Variants in CCDC141 observed in about 807,000 individuals in gnomAD.
CCDC141 encodes coiled-coil domain containing 141, also known as coiled-coil domain-containing protein 141.
CCDC141 carries 168 observed loss-of-function variants against 181.0 expected under a neutral mutation model. The observed-to-expected ratio is 0.93, with a 90% CI of 0.82 to 1.05. The LOEUF is 1.05. Ranked by LOEUF, CCDC141 falls within the 50% of genes least tolerant of loss-of-function variation. The probability of loss-of-function intolerance (pLI) is 0.00; values close to 1 mark genes in which losing one functional copy is unlikely to be tolerated. For missense variants in CCDC141, 1,902 were observed against 1,788.5 expected, an observed-to-expected ratio of 1.06 and a Z score of -1.14; for synonymous variants, 666 against 642.3, an observed-to-expected ratio of 1.04 and a Z score of -0.56.
chr2:178,931,047 G>A (rs1047817874), intron 6 of CCDC141, among the ~76,000 whole-genome samples: 1 of 152,106 alleles, frequency 6.6e-6, no homozygotes, highest in Admixed American at 6.6e-5. Context: ...TATACAAATG[G>A]TCAGCCAGTA....
At chr2:178,838,853 C>G (rs1684599782) in intron 22 of CCDC141, among the ~76,000 whole-genome samples, 1 of 152,204 alleles carries the variant, frequency 6.6e-6, no homozygotes, top group East Asian at 1.9e-4. Flanking sequence ...ACATCCATCT[C>G]TGGTTTAAGA....
At chr2:178,955,216 T>C (rs1173418280) in intron 5 of CCDC141, among the ~76,000 whole-genome samples, 1 of 151,776 alleles carries the variant, frequency 6.6e-6, no homozygotes, top group Non-Finnish European at 1.5e-5. Context: ...ACCCCGGAGG[T>C]GGAGGTTGCA....
Position 178,979,787 on chromosome 2 carries a change from G to A in CCDC141, c.226-1112C>T, listed in dbSNP as rs189508036. ...ACACTCATGAACCTTTGTATCTGTG[G>A]CACTGAAATATTTCAAGTAGATATA... is the stretch of plus-strand genomic sequence containing the variant. On this transcript the variant is annotated intron_variant, in intron 2 of 23. Coordinates refer to ENST00000443758, the MANE Select transcript of CCDC141 (RefSeq NM_173648.4). Among the ~76,000 whole-genome samples the A allele has an allele frequency of 2.0e-3, 310 of 152,170 alleles. 1 individual carries two copies. Among genetic ancestry groups the A allele is most frequent in the Non-Finnish European group, 2.9e-3 (196 of 67,998 alleles).
chr2:179,034,921 C>T (rs900758261), intron 2 of CCDC141, among the ~76,000 whole-genome samples: 7 of 152,046 alleles, frequency 4.6e-5, no homozygotes, highest in South Asian at 2.1e-4. Context: ...TTGATTTCCA[C>T]GTAAATTGCA....
intron 11 of CCDC141, among the ~76,000 whole-genome samples, chr2:178,882,882 G>A (rs968704283): frequency 1.3e-5 from 2 of 152,140 alleles, no homozygotes; most frequent in Non-Finnish European, 2.9e-5. Context: ...GGGGATGGAG[G>A]ATGGAAAGGA....
At chr2:178,847,208 C>T (rs1353377303) in intron 21 of CCDC141, among the ~76,000 whole-genome samples, 1 of 152,006 alleles carries the variant, frequency 6.6e-6, no homozygotes, top group Non-Finnish European at 1.5e-5. Flanking sequence ...CTACAAATGC[C>T]AAAACTCTTT....
chr2:178,901,073 T>C (rs778285105), intron 8 of CCDC141, among the ~76,000 whole-genome samples: 63 of 152,200 alleles, frequency 4.1e-4, no homozygotes, highest in Non-Finnish European at 6.8e-4. Flanking sequence ...CTCGAATTTG[T>C]GGGCAGGGTA....
At chr2:178,885,885 TTTAA>T (rs1288840194) in intron 10 of CCDC141, among the ~76,000 whole-genome samples, 8 of 152,192 alleles carry the variant, frequency 5.3e-5, no homozygotes, top group African/African-American at 1.9e-4. Context: ...TGAAGGTAAC[TTTAA>T]TTTAGAGGCC....
intron 6 of CCDC141, among the ~76,000 whole-genome samples, chr2:178,920,843 T>G (rs966966372): frequency 6.6e-6 from 1 of 152,154 alleles, no homozygotes; most frequent in Non-Finnish European, 1.5e-5. Flanking sequence ...AGAAAAACAT[T>G]TTGATCAATG....
chr2:178,966,175 C>A (rs956469950), intron 4 of CCDC141, among the ~76,000 whole-genome samples: 4 of 152,212 alleles, frequency 2.6e-5, no homozygotes, highest in Non-Finnish European at 5.9e-5. Context: ...GGGAAAGGGG[C>A]GCCTATGGGC....
intron 17 of CCDC141, among the ~76,000 whole-genome samples, chr2:178,861,635 CAA>C (rs550382240): frequency 1.6e-4 from 16 of 98,110 alleles, no homozygotes; most frequent in African/African-American, 1.7e-4. Flanking sequence ...GACTCAGTCT[CAA>C]AAAAAAAAAA....
At chr2:178,883,658 CCT>C (rs1034562703) in intron 11 of CCDC141, among the ~76,000 whole-genome samples, 3 of 152,114 alleles carry the variant, frequency 2.0e-5, no homozygotes, top group African/African-American at 7.2e-5. Context: ...TGGCTCTACC[CCT>C]GAGTGAACCC....
chr2:178,948,400 A>G (rs954287687), intron 5 of CCDC141, among the ~76,000 whole-genome samples: 4 of 152,246 alleles, frequency 2.6e-5, no homozygotes, highest in Non-Finnish European at 5.9e-5. Context: ...TGGTTCTCCA[A>G]TTAAAATATA....
chr2:178,928,057 C>G (rs569212210), intron 6 of CCDC141, among the ~76,000 whole-genome samples: 7 of 152,144 alleles, frequency 4.6e-5, no homozygotes, highest in Non-Finnish European at 1.0e-4. Context: ...AGATAAATTA[C>G]ATTTTAAATA....
At chr2:178,866,174 G>A (rs183704147) in intron 16 of CCDC141, among the ~76,000 whole-genome samples, 14 of 152,232 alleles carry the variant, frequency 9.2e-5, no homozygotes, top group East Asian at 3.9e-4. Flanking sequence ...CCTCAGAGAC[G>A]CCATTCATTA....
chr2:178,936,510 AG>A (rs1689295515), intron 6 of CCDC141, among the ~76,000 whole-genome samples: 1 of 152,054 alleles, frequency 6.6e-6, no homozygotes, highest in Non-Finnish European at 1.5e-5. Context: ...CCTGTAGTAT[AG>A]TTTGAACTTT....
At chr2:178,911,921 C>G (rs185108588) in intron 7 of CCDC141, among the ~76,000 whole-genome samples, 1 of 152,178 alleles carries the variant, frequency 6.6e-6, no homozygotes, top group Non-Finnish European at 1.5e-5. Context: ...AGAGATGAAG[C>G]TTAAAATTTG....
intron 6 of CCDC141, among the ~76,000 whole-genome samples, chr2:178,923,508 G>C (rs1688795320): frequency 6.6e-6 from 1 of 152,154 alleles, no homozygotes; most frequent in Non-Finnish European, 1.5e-5. Flanking sequence ...GAGCCCAATG[G>C]AGAAAATCTC....
chr2:178,821,297 T>C, the CCDC141 span, among the ~76,000 whole-genome samples: 1 of 152,196 alleles, frequency 6.6e-6, no homozygotes, highest in Non-Finnish European at 1.5e-5. Flanking sequence ...GAATTTGTTA[T>C]GACTGCCAAA....
Sources: allele counts gnomAD v4.1 joint callset (sites outside exome capture counted in the v4.1 genomes callset), GRCh38; gene constraint gnomAD v4.1.1; transcripts MANE v1.5; gene names NCBI Gene and HGNC (gene_info 2026-07-23, HGNC 2026-07-21).